The following TMEM232 variants were observed in gnomAD, a reference collection of about 807,000 sequenced individuals.
TMEM232 encodes the protein transmembrane protein 232.
In TMEM232, 80 loss-of-function variants were observed where a neutral mutation model predicts 78.8. The observed-to-expected ratio is 1.01, with a 90% CI of 0.85 to 1.22. The LOEUF is 1.22. Among genes scored for constraint, TMEM232 ranks in the 50% most tolerant of loss-of-function variants. The pLI is 0.00. For missense variants in TMEM232, 881 were observed against 742.2 expected, an observed-to-expected ratio of 1.19 and a Z score of -2.17; for synonymous variants, 297 against 254.3, an observed-to-expected ratio of 1.17 and a Z score of -1.60.
intron 2 of TMEM232, among the ~76,000 whole-genome samples, chr5:110,664,199 A>G (rs1272585976): frequency 6.6e-6 from 1 of 152,152 alleles, no homozygotes; most frequent in African/African-American, 2.4e-5. Flanking sequence ...GAAATATGCA[A>G]TGATTTTCAC....
chr5:110,517,362 T>G (rs766307649), intron 12 of TMEM232, among the ~76,000 whole-genome samples: 1 of 152,196 alleles, frequency 6.6e-6, no homozygotes, highest in Non-Finnish European at 1.5e-5. Flanking sequence ...TTCCTGAAGT[T>G]AATGTTTAGT....
intron 1 of TMEM232, chr5:110,720,957 T>C (rs1249628063): frequency 2.0e-5 from 3 of 152,108 alleles, no homozygotes; most frequent in Non-Finnish European, 4.4e-5. Context: ...AAGTGAGATA[T>C]AGTGAGATGA....
chr5:110,667,389 T>C, intron 1 of TMEM232, 25 bp from the exon 2 acceptor site: 1 of 1,468,496 alleles, frequency 6.8e-7, no homozygotes. Context: ...AAATGTATGT[T>C]AGCATACAAA....
intron 12 of TMEM232, among the ~76,000 whole-genome samples, chr5:110,502,295 CCAGGGCTGACAAATCA>C (rs1268305853): frequency 1.3e-5 from 2 of 152,180 alleles, no homozygotes; most frequent in Non-Finnish European, 2.9e-5. Context: ...GGGACTGAAA[CCAGGGCTGACAAATCA>C]CAGGGCTAAA....
intron 12 of TMEM232, among the ~76,000 whole-genome samples, chr5:110,437,037 G>A (rs1758512356): frequency 6.6e-6 from 1 of 151,832 alleles, no homozygotes; most frequent in Non-Finnish European, 1.5e-5. Flanking sequence ...AGACTGCTTT[G>A]GGTAGTATGG....
intron 12 of TMEM232, among the ~76,000 whole-genome samples, chr5:110,511,950 C>A (rs1173875137): frequency 1.3e-5 from 2 of 152,112 alleles, no homozygotes. Flanking sequence ...CCATAGGAAC[C>A]TGCACATTCT....
chr5:110,455,380 C>G (rs941785744), intron 12 of TMEM232, among the ~76,000 whole-genome samples: 4 of 142,938 alleles, frequency 2.8e-5, no homozygotes, highest in African/African-American at 7.7e-5. Flanking sequence ...TAGATATAAA[C>G]TTTTTTTTTT....
At chr5:110,727,395 A>G (rs1052334382), upstream of TMEM232, among the ~76,000 whole-genome samples, 4 of 152,200 alleles carry the variant, frequency 2.6e-5, no homozygotes, top group South Asian at 2.1e-4. Context: ...GCGGATCACG[A>G]GGTCAGGAGT....
At chr5:110,657,284 G>A (rs971255641) in intron 2 of TMEM232, among the ~76,000 whole-genome samples, 1 of 152,098 alleles carries the variant, frequency 6.6e-6, no homozygotes, top group African/African-American at 2.4e-5. Context: ...GTATGTGAAA[G>A]AGACATCTGC....
rs1203651513 is a variant in TMEM232 at position 110,528,839 on chromosome 5, T to C, written c.1456-4A>G. The C allele has an allele frequency of 8.5e-6, 12 of 1,418,624 alleles. No homozygotes were observed. The highest frequency in any genetic ancestry group is 5.0e-5 in the South Asian group (3 of 60,436). The allele number at this position is 1,418,624 out of a possible 1,614,324, so 87.9% of individuals were successfully genotyped here. Reference sequence around the variant, plus strand: ...CAGTTGGGTCATTTAACTCAGCCTGTTGAAAGAAAAGAGAAAGGAATCAGT... The same window carrying C: ...CAGTTGGGTCATTTAACTCAGCCTGCTGAAAGAAAAGAGAAAGGAATCAGT... On this transcript the variant is annotated splice_polypyrimidine_tract_variant and splice_region_variant and intron_variant, in intron 11 of 13. Transcript: ENST00000455884.
chr5:110,685,964 T>G (rs1793346453), intron 1 of TMEM232, among the ~76,000 whole-genome samples: 1 of 152,072 alleles, frequency 6.6e-6, no homozygotes, highest in South Asian at 2.1e-4. Context: ...ATGGTGATGG[T>G]CTATGGGAGG....
At chr5:110,710,527 A>G (rs547588730) in intron 1 of TMEM232, among the ~76,000 whole-genome samples, 2 of 152,310 alleles carry the variant, frequency 1.3e-5, no homozygotes, top group South Asian at 4.1e-4. Flanking sequence ...TCAATGATAC[A>G]TTAGAAAGAT....
intron 2 of TMEM232, among the ~76,000 whole-genome samples, chr5:110,412,708 T>C (rs1756044049): frequency 6.6e-6 from 1 of 152,150 alleles, no homozygotes; most frequent in African/African-American, 2.4e-5. Context: ...TTTTGTTTTA[T>C]AAATTTCTAA....
At chr5:110,577,684 T>A (rs1777722451) in intron 10 of TMEM232, among the ~76,000 whole-genome samples, 1 of 152,212 alleles carries the variant, frequency 6.6e-6, no homozygotes, top group African/African-American at 2.4e-5. Context: ...TGGAATACTA[T>A]GTAGCCATAA....
chr5:110,724,435 T>C lies in TMEM232; in HGVS notation c.-13+2192A>G, dbSNP rs979245842. Among the ~76,000 whole-genome samples the C allele has an allele frequency of 2.0e-5, 3 of 152,228 alleles. No homozygotes were observed. The East Asian group carries it at 5.8e-4, about 29-fold the overall frequency. On this transcript the variant is annotated intron_variant, in intron 1 of 13. Transcript: ENST00000455884. The stretch of plus-strand genomic sequence containing the variant: ...CTAAACTGTGTATAACTTAACCTGT[T>C]ATTTTCTCATTTCAGGTCCCTAAAC...
At chr5:110,398,425 T>C (rs1755472709) in intron 2 of TMEM232, among the ~76,000 whole-genome samples, 1 of 152,164 alleles carries the variant, frequency 6.6e-6, no homozygotes, top group South Asian at 2.1e-4. Flanking sequence ...GTGCAGGTTC[T>C]GTAGATGCCC....
intron 2 of TMEM232, 75 bp downstream of exon 2, chr5:110,667,153 T>G (rs1790699328): frequency 1.4e-5 from 15 of 1,097,802 alleles, no homozygotes. Flanking sequence ...TATGGGTGAA[T>G]TTTTTTTTTC....
chr5:110,505,501 CTT>C (rs974952056), intron 12 of TMEM232, among the ~76,000 whole-genome samples: 3 of 151,978 alleles, frequency 2.0e-5, no homozygotes, highest in African/African-American at 7.2e-5. Context: ...CATTGTTTTT[CTT>C]TTCTTTTCCT....
chr5:110,405,341 A>T (rs897274754), intron 2 of TMEM232, among the ~76,000 whole-genome samples: 2 of 152,108 alleles, frequency 1.3e-5, no homozygotes, highest in East Asian at 3.9e-4. Context: ...TTAAATTTTT[A>T]TAGTATTATT....
Sources: gnomAD v4.1 joint callset for allele counts (sites outside exome capture counted in the v4.1 genomes callset) on GRCh38, gnomAD v4.1.1 for gene constraint, MANE v1.5 for transcripts, NCBI Gene and HGNC (gene_info 2026-07-23, HGNC 2026-07-21) for gene names.